Variants in RPL3L observed in about 807,000 individuals in gnomAD.
The protein encoded by RPL3L is ribosomal protein uL3-like.
Under a neutral mutation model 44.5 loss-of-function variants are expected in RPL3L, and 44 were observed. The observed-to-expected ratio is 0.99, with a 90% confidence interval of 0.78 to 1.27. The LOEUF is 1.27. RPL3L is among the 50% of genes most tolerant of loss of function. RPL3L has a pLI of 0.00. For missense variants in RPL3L, 631 were observed against 569.1 expected, an observed-to-expected ratio of 1.11 and a Z score of -1.11; for synonymous variants, 292 against 230.7, an observed-to-expected ratio of 1.27 and a Z score of -2.41.
intron 4 of RPL3L, among the ~76,000 whole-genome samples, chr16:1,950,544 G>A (rs974875806): frequency 1.3e-5 from 2 of 152,138 alleles, no homozygotes; most frequent in South Asian, 4.1e-4. Context: ...GCTGGAAACC[G>A]AAGAGAGGTG....
chr16:1,952,948 T>C lies in RPL3L; in HGVS notation c.291A>G (p.Arg97=). The change falls in exon 3 of 10, where the codon CGA becomes CGG. Residue 97 remains arginine, a synonymous_variant. Coordinates refer to ENST00000268661, the MANE Select transcript of RPL3L (RefSeq NM_005061.3). ...VGVVGYVATP[R]GLRSFKTIFA... is the part of the protein sequence containing the mutation. ...AGATGGTCTTGAAGCTCCGGAGACC[T>C]CGAGGGGTGGCCACGTAGCCCACCA... 2 of 1,613,866 alleles carry C rather than the reference T, an allele frequency of 1.2e-6. No homozygotes were observed. Among genetic ancestry groups the C allele is most frequent in the Non-Finnish European group, 1.7e-6 (2 of 1,179,960 alleles).
In RPL3L at chr16:1,954,635, G is replaced by A. The variant is rs1254296369; in HGVS notation, c.-4C>T. The stretch of plus-strand genomic sequence containing the variant: ...TCACCCTGGTCCCACCAACCATGGT[G>A]GCCGATCCCTGAAGGTCAGGAAGGG... On this transcript the variant is annotated 5_prime_UTR_variant, in exon 1 of 10. Transcript: ENST00000268661. 3.2e-6 allele frequency: 5 copies of A among 1,549,576 alleles called. No individual in the cohort carries two copies. The highest frequency in any genetic ancestry group is 4.4e-6 in the Non-Finnish European group (5 of 1,148,594).
At chr16:1,949,459 G>A (rs1192112248) in intron 4 of RPL3L, among the ~76,000 whole-genome samples, 1 of 150,520 alleles carries the variant, frequency 6.6e-6, no homozygotes, top group Non-Finnish European at 1.5e-5. Context: ...TGCCATGTTG[G>A]CCAGGCTGGT....
In RPL3L at chr16:1,950,002, T is replaced by G. The variant is rs1165266846; in HGVS notation, c.501+842A>C. ...GGCAGGTATGGACAGGGCAGGTATG[T>G]AGGGGGCAGGTATGTAGGGAGCAGG... On this transcript the variant is annotated intron_variant, in intron 4 of 9. Coordinates refer to ENST00000268661, the MANE Select transcript of RPL3L (RefSeq NM_005061.3). Among the ~76,000 whole-genome samples, 928 of 103,110 alleles carry G rather than the reference T, an allele frequency of 9.0e-3. 45 individuals are homozygous for G. The highest frequency in any genetic ancestry group is 0.036 in the African/African-American group (861 of 23,944). The allele number at this position is 103,110 out of a possible 152,430, so 67.6% of individuals were successfully genotyped here.
chr16:1,947,984 C>T lies in RPL3L; in HGVS notation c.502-604G>A, dbSNP rs551370457. Among the ~76,000 whole-genome samples, 43 of 144,366 alleles carry T rather than the reference C, an allele frequency of 3.0e-4. No individual in the cohort carries two copies. The East Asian group carries it at 8.6e-3, about 29-fold the overall frequency. The allele number at this position is 144,366 out of a possible 152,430, so 94.7% of individuals were successfully genotyped here. A position where few individuals can be genotyped will look rare whatever the true frequency, so the allele number is the denominator to read the frequency against. ...TTTGAGTCTCGCTCTATCGCCCAGG[C>T]TGGAGTGCAATGGCATGATCTCGGC... is the stretch of plus-strand genomic sequence containing the variant. On this transcript the variant is annotated intron_variant, in intron 4 of 9. Transcript: ENST00000268661.
At chr16:1,949,927 T>G (rs1597027994) in intron 4 of RPL3L, among the ~76,000 whole-genome samples, 3 of 45,154 alleles carry the variant, frequency 6.6e-5, no homozygotes, top group African/African-American at 9.3e-5. Context: ...GGCAGGTATG[T>G]AAGGGGCAGG....
Position 1,950,748 on chromosome 16 carries a change from G to A in RPL3L, c.501+96C>T, listed in dbSNP as rs951952681. Reference sequence around the variant, plus strand: ...TCCTCTGGGTCTGTGCCGAGGCTCGGGTATTTTTAGGCTGACATTTGCCAC... The same window carrying A: ...TCCTCTGGGTCTGTGCCGAGGCTCGAGTATTTTTAGGCTGACATTTGCCAC... On this transcript the variant is annotated intron_variant, in intron 4 of 9. Transcript: ENST00000268661. 3.8e-6 allele frequency: 6 copies of A among 1,590,388 alleles called. No individual in the cohort carries two copies. The East Asian group carries it at 6.7e-5, about 18-fold the overall frequency.
At position 1,954,159 on chromosome 16, in the gene RPL3L, G is replaced by C. The variant is rs2083191256; in HGVS notation, c.4-11C>G. ...AAACTTCCGGTGGGACTGGGGGGCA[G>C]GAAGGAAGGAGGTCAGACCTGGGGT... On this transcript the variant is annotated splice_polypyrimidine_tract_variant and intron_variant, in intron 1 of 9. Transcript: ENST00000268661. The C allele has an allele frequency of 1.9e-6, 3 of 1,560,158 alleles. No individual in the cohort carries two copies.
rs200834233 is a variant in RPL3L at position 1,952,939 on chromosome 16, C to T, written c.300G>A (p.Arg100=). 6.2e-6 allele frequency: 10 copies of T among 1,613,960 alleles called. No individual in the cohort carries two copies. In the Admixed American group the frequency reaches 1.5e-4, roughly 24 times the overall value. Residue 100 remains arginine, a synonymous_variant, in exon 3 of 10, where the codon CGG becomes CGA. Coordinates refer to ENST00000268661, the MANE Select transcript of RPL3L (RefSeq NM_005061.3). ...GTTCTGCAAAGATGGTCTTGAAGCTCCGGAGACCTCGAGGGGTGGCCACGT... is the reference window on the plus strand; with the variant it reads ...GTTCTGCAAAGATGGTCTTGAAGCTTCGGAGACCTCGAGGGGTGGCCACGT... ...VGYVATPRGL[R]SFKTIFAEHL... is the part of the protein sequence containing the mutation.
intron 4 of RPL3L, among the ~76,000 whole-genome samples, chr16:1,948,286 C>T (rs1195444320): frequency 1.4e-5 from 2 of 147,184 alleles, no homozygotes; most frequent in African/African-American, 5.0e-5. Flanking sequence ...TACAGTGGGG[C>T]GATCTCGGCT....
Position 1,944,900 on chromosome 16 carries a change from G to C in RPL3L, c.1168-7C>G. The C allele has an allele frequency of 6.2e-7, 1 of 1,612,310 alleles. No individual in the cohort carries two copies. Among genetic ancestry groups the C allele is most frequent in the Non-Finnish European group, 8.5e-7 (1 of 1,179,820 alleles). On this transcript the variant is annotated splice_region_variant and splice_polypyrimidine_tract_variant and intron_variant, in intron 9 of 9. Coordinates refer to ENST00000268661, the MANE Select transcript of RPL3L (RefSeq NM_005061.3). ...GATGCTTCTTTTGGGGGCCCTGGTT[G>C]AGAGGGTGGTGCAGGAGGAGCCTTA...
At chr16:1,950,720 C>T (rs1473648026) in intron 4 of RPL3L, 124 bp downstream of exon 4, 9 of 1,487,710 alleles carry the variant, frequency 6.0e-6, no homozygotes, top group African/African-American at 4.2e-5. Context: ...GCTGGTCAGC[C>T]GCTCCTCTGG....
intron 3 of RPL3L, among the ~76,000 whole-genome samples, chr16:1,952,210 C>G (rs2150865299): frequency 6.6e-6 from 1 of 151,888 alleles, no homozygotes; most frequent in Non-Finnish European, 1.5e-5. Context: ...CTCAAATGAG[C>G]CACCCGCCTT....
intron 3 of RPL3L, among the ~76,000 whole-genome samples, chr16:1,952,188 C>T (rs1192899977): frequency 4.0e-5 from 6 of 151,284 alleles, no homozygotes; most frequent in East Asian, 1.9e-4. Context: ...AGGCTGGTCT[C>T]GAACTCCTGA....
chr16:1,947,404 C>T (rs773854817), intron 4 of RPL3L, 24 bp from the exon 5 acceptor site: 60 of 1,528,422 alleles, frequency 3.9e-5, no homozygotes, highest in South Asian at 6.1e-5. Context: ...CCGGAGGTCA[C>T]GCCACGGCCC....
At chr16:1,954,489 CCTT>C in intron 1 of RPL3L, 137 bp downstream of exon 1, 1 of 1,009,838 alleles carries the variant, frequency 9.9e-7, no homozygotes, top group Non-Finnish European at 1.4e-6. Flanking sequence ...GCCCTCGTCC[CCTT>C]GTTTCCCCCT....
At chr16:1,945,366 T>A (rs114281189) in intron 9 of RPL3L, 133 bp downstream of exon 9, 172,679 of 723,346 alleles carry the variant, frequency 0.24, 26,550 homozygotes, top group South Asian at 0.51. Context: ...AAAAATAAAA[T>A]AAATAAAAAA....
chr16:1,949,607 A>G (rs543076820), intron 4 of RPL3L, among the ~76,000 whole-genome samples: 2 of 145,818 alleles, frequency 1.4e-5, no homozygotes, highest in Non-Finnish European at 3.0e-5. Context: ...TGTGAAGCAC[A>G]GGCTGTGCAA....
intron 3 of RPL3L, 117 bp from the exon 4 acceptor site, chr16:1,951,096 C>A (rs890470047): frequency 3.1e-5 from 43 of 1,383,126 alleles, no homozygotes; most frequent in African/African-American, 2.0e-4. Context: ...TGGGACCGCC[C>A]CCCACCCGGA....
Sources: allele counts gnomAD v4.1 joint callset (sites outside exome capture counted in the v4.1 genomes callset), GRCh38; gene constraint gnomAD v4.1.1; transcripts MANE v1.5; gene names NCBI Gene and HGNC (gene_info 2026-07-23, HGNC 2026-07-21).